Variants in COPB1 observed in about 807,000 individuals in gnomAD.
The protein encoded by COPB1 is coatomer subunit beta.
A neutral mutation model predicts 108.7 loss-of-function variants in COPB1; 21 were observed. That is an observed-to-expected ratio of 0.19 (90% CI 0.14 to 0.28). COPB1 has a LOEUF of 0.28. COPB1 is among the 10% of genes least tolerant of loss of function. The pLI is 1.00. For missense variants in COPB1, 919 were observed against 1,141.3 expected, an observed-to-expected ratio of 0.81 and a Z score of 2.81; for synonymous variants, 378 against 386.8, an observed-to-expected ratio of 0.98 and a Z score of 0.27.
chr11:14,478,737 C>G (rs955190683), intron 11 of COPB1, among the ~76,000 whole-genome samples: 1 of 151,794 alleles, frequency 6.6e-6, no homozygotes, highest in Non-Finnish European at 1.5e-5. Flanking sequence ...CAAGTGTGAG[C>G]CACCATACCC....
intron 4 of COPB1, among the ~76,000 whole-genome samples, 195 bp downstream of exon 4, chr11:14,493,447 T>C (rs1432065848): frequency 6.6e-6 from 1 of 152,234 alleles, no homozygotes; most frequent in African/African-American, 2.4e-5. Context: ...TTCAGCAGAA[T>C]GTTGTCTTGT....
intron 17 of COPB1, among the ~76,000 whole-genome samples, chr11:14,465,604 G>T (rs1401777876): frequency 6.6e-6 from 1 of 152,136 alleles, no homozygotes; most frequent in African/African-American, 2.4e-5. Context: ...TATGAAGAAA[G>T]ATAAAACAAT....
In COPB1 at chr11:14,479,634, A is replaced by G. The variant is rs1456201710; in HGVS notation, c.1293T>C (p.Phe431=). The change falls in exon 11 of 22, where the codon TTT becomes TTC. Residue 431 remains phenylalanine, a synonymous_variant. Coordinates refer to ENST00000439561, the MANE Select transcript of COPB1 (RefSeq NM_001144061.2). ...CAACAATAAGCATTCTCAGGTTATCAAAGCGCTGAATGGCTTCACGAACAA... is the reference window on the plus strand; with the variant it reads ...CAACAATAAGCATTCTCAGGTTATCGAAGCGCTGAATGGCTTCACGAACAA... ...LEFVREAIQR[F]DNLRMLIVEK... The G allele has an allele frequency of 2.5e-6, 4 of 1,613,614 alleles. No individual in the cohort carries two copies. The South Asian group carries it at 3.3e-5, about 13-fold the overall frequency.
intron 20 of COPB1, 99 bp downstream of exon 20, chr11:14,460,109 G>A (rs978538940): frequency 1.7e-4 from 123 of 709,174 alleles, no homozygotes; most frequent in Non-Finnish European, 3.5e-5. Context: ...GAATGGTACT[G>A]CATATTGAAT....
Position 14,493,707 on chromosome 11 carries a change from T to C in COPB1, c.426A>G (p.Ala142=). ...CATAGCTGTGTCGATGCTCCAAACA[T>C]GCACGAATAGCTGGCATTAAAGGTT... ...LLEPLMPAIR[A]CLEHRHSYVR... Residue 142 remains alanine (A), a synonymous_variant, in exon 4 of 22, where the codon GCA becomes GCG. Coordinates refer to ENST00000439561, the MANE Select transcript of COPB1 (RefSeq NM_001144061.2). 1.2e-6 allele frequency: 2 copies of C among 1,613,992 alleles called. No individual in the cohort carries two copies. Among genetic ancestry groups the C allele is most frequent in the Non-Finnish European group, 1.7e-6 (2 of 1,179,972 alleles).
intron 14 of COPB1, among the ~76,000 whole-genome samples, chr11:14,470,134 TTTTG>T (rs2134101625): frequency 6.7e-6 from 1 of 148,230 alleles, no homozygotes; most frequent in South Asian, 2.1e-4. Flanking sequence ...CTTAAAATGT[TTTTG>T]TTTTATTTTT....
At chr11:14,476,016 A>G in intron 12 of COPB1, 71 bp from the exon 13 acceptor site, 2 of 1,356,066 alleles carry the variant, frequency 1.5e-6, no homozygotes, top group Non-Finnish European at 2.0e-6. Flanking sequence ...TAAATATTTG[A>G]TTGTTTCTCT....
rs747712784 is a variant in COPB1, at chr11:14,494,253, C to T, written c.278G>A (p.Arg93Lys). The T allele has an allele frequency of 3.7e-6, 6 of 1,613,530 alleles. No individual in the cohort carries two copies. Among genetic ancestry groups the T allele is most frequent in the Non-Finnish European group, 5.1e-6 (6 of 1,179,784 alleles). Reference sequence around the variant, plus strand: ...TACAAGGATCATCTCATGTAAAAGTCTCCCATCTGGAGTTGTTTTAGGAAC... The same window carrying T: ...TACAAGGATCATCTCATGTAAAAGTTTCCCATCTGGAGTTGTTTTAGGAAC... ...EIVPKTTPDGRLLHEMILVCD... is the reference protein window; with the variant it reads ...EIVPKTTPDGKLLHEMILVCD... Residue 93 changes from arginine (R) to lysine (K), a missense_variant, in exon 3 of 22, where the codon AGA (arginine) becomes AAA (lysine). By Grantham distance (26) the Arg-to-Lys change is conservative. Coordinates refer to ENST00000439561, the MANE Select transcript of COPB1 (RefSeq NM_001144061.2).
In COPB1 at chr11:14,469,417, A is replaced by G; in HGVS notation, c.1884T>C (p.Asn628=). 1 of 1,614,194 alleles carries G rather than the reference A, an allele frequency of 6.2e-7. No individual in the cohort carries two copies. Residue 628 remains asparagine (N), a synonymous_variant, in exon 15 of 22, where the codon AAT becomes AAC. Coordinates refer to ENST00000439561, the MANE Select transcript of COPB1 (RefSeq NM_001144061.2). ...KVLSECSPLM[N]DIFNKECRQS... ...GTCTGCATTCCTTATTGAAAATGTC[A>G]TTCATTAAAGGTGAACATTCAGACA...
intron 14 of COPB1, among the ~76,000 whole-genome samples, chr11:14,473,556 G>A (rs1001042715): frequency 8.8e-6 from 1 of 113,412 alleles, no homozygotes; most frequent in African/African-American, 3.4e-5. Flanking sequence ...GAGGCCCAAG[G>A]AGGAAAGAGA....
intron 5 of COPB1, 91 bp downstream of exon 5, chr11:14,490,474 A>G (rs898537863): frequency 3.1e-5 from 22 of 699,982 alleles, no homozygotes; most frequent in Admixed American, 7.2e-5. Flanking sequence ...TATAAACAAA[A>G]TTACTGACTA....
At chr11:14,499,033 C>T (rs1162698031) in intron 1 of COPB1, 48 bp from the exon 2 acceptor site, 4 of 748,700 alleles carry the variant, frequency 5.3e-6, no homozygotes. Flanking sequence ...AAAAAAAAAA[C>T]CCACAAACAA....
chr11:14,460,981 C>T (rs1850134641), intron 19 of COPB1, among the ~76,000 whole-genome samples: 1 of 152,138 alleles, frequency 6.6e-6, no homozygotes, highest in Non-Finnish European at 1.5e-5. Context: ...TATAGAACTG[C>T]TACTCTAATC....
rs2134116595 is a variant in COPB1, at chr11:14,482,873, A to G, written c.957+159T>C. Among the ~76,000 whole-genome samples, 2 of 152,330 alleles carry G rather than the reference A, an allele frequency of 1.3e-5. 1 individual carries two copies. On this transcript the variant is annotated intron_variant, in intron 8 of 21. Coordinates refer to ENST00000439561, the MANE Select transcript of COPB1 (RefSeq NM_001144061.2). ...TTTTTTGTGGTAAAGATAATACCCCAAAAGGCTATGATGACTCAATAGTTA... is the reference window on the plus strand; with the variant it reads ...TTTTTTGTGGTAAAGATAATACCCCGAAAGGCTATGATGACTCAATAGTTA...
chr11:14,468,999 C>CT (rs945942045), intron 15 of COPB1, 139 bp from the exon 16 acceptor site: 24 of 743,362 alleles, frequency 3.2e-5, no homozygotes, highest in African/African-American at 7.1e-5. Context: ...CTTTTCTTTT[C>CT]TTTTTTTTCT....
intron 17 of COPB1, among the ~76,000 whole-genome samples, chr11:14,466,031 C>G (rs563546510): frequency 6.6e-6 from 1 of 152,184 alleles, no homozygotes. Context: ...ACTAGAAATA[C>G]TGACATTTGC....
chr11:14,490,891 G>C lies in COPB1; in HGVS notation c.492-212C>G, dbSNP rs139758057. On this transcript the variant is annotated intron_variant, in intron 4 of 21. Coordinates refer to ENST00000439561, the MANE Select transcript of COPB1 (RefSeq NM_001144061.2). ...TGCTGCCTCCACTTCCAGGGTTCAA[G>C]CAATTCTCCTGCCTCAGCCTCCCGA... Among the ~76,000 whole-genome samples, 331 of 151,822 alleles carry C rather than the reference G, an allele frequency of 2.2e-3. 1 individual carries two copies. Among genetic ancestry groups the C allele is most frequent in the African/African-American group, 7.6e-3 (314 of 41,350 alleles).
At chr11:14,479,315 GTTACT>G (rs1850605740) in intron 11 of COPB1, among the ~76,000 whole-genome samples, 1 of 152,150 alleles carries the variant, frequency 6.6e-6, no homozygotes, top group Non-Finnish European at 1.5e-5. Flanking sequence ...ATGCTCTTTA[GTTACT>G]TTAAGATTCA....
chr11:14,461,656 A>C (rs919121200), intron 18 of COPB1, among the ~76,000 whole-genome samples: 8 of 152,230 alleles, frequency 5.3e-5, no homozygotes, highest in Non-Finnish European at 1.0e-4. Flanking sequence ...TGGTTAAACA[A>C]ATAATTCAAT....
Sources: allele counts gnomAD v4.1 joint callset (sites outside exome capture counted in the v4.1 genomes callset), GRCh38; gene constraint gnomAD v4.1.1; transcripts MANE v1.5; gene names NCBI Gene and HGNC (gene_info 2026-07-23, HGNC 2026-07-21).